Variants in CYP19A1 observed in about 807,000 individuals in gnomAD.
CYP19A1 encodes the protein cytochrome P450 family 19 subfamily A member 1.
In CYP19A1, 32 loss-of-function variants were observed where a neutral mutation model predicts 44.4. That is an observed-to-expected ratio of 0.72 (90% confidence interval 0.54 to 0.97). The LOEUF (loss-of-function observed/expected upper bound fraction) is 0.97, where lower values mean the gene tolerates loss of function less well. CYP19A1 is among the 50% of genes least tolerant of loss of function. The probability of loss-of-function intolerance (pLI) is 0.00; values close to 1 mark genes in which losing one functional copy is unlikely to be tolerated. For missense variants in CYP19A1, 598 were observed against 637.8 expected (o/e 0.94, Z 0.67); for synonymous variants, 212 against 215.6 (o/e 0.98, Z 0.14).
At chr15:51,281,083 C>T (rs2035502928) in intron 1 of CYP19A1, among the ~76,000 whole-genome samples, 1 of 152,232 alleles carries the variant, frequency 6.6e-6, no homozygotes, top group Admixed American at 6.5e-5. Flanking sequence ...TTGCCTACTG[C>T]CCAGCTGCTG....
At chr15:51,327,595 G>C (rs1337192943) in intron 1 of CYP19A1, among the ~76,000 whole-genome samples, 1 of 151,786 alleles carries the variant, frequency 6.6e-6, no homozygotes, top group Non-Finnish European at 1.5e-5. Flanking sequence ...GATTCTCAAG[G>C]ATCCAGTGTC....
At chr15:51,279,626 T>C (rs2035445561) in intron 1 of CYP19A1, among the ~76,000 whole-genome samples, 1 of 152,256 alleles carries the variant, frequency 6.6e-6, no homozygotes, top group Non-Finnish European at 1.5e-5. Context: ...CATGCACCGA[T>C]GACATATACA....
intron 4 of CYP19A1, among the ~76,000 whole-genome samples, chr15:51,227,529 G>T (rs1434212906): frequency 6.6e-6 from 1 of 151,882 alleles, no homozygotes; most frequent in Non-Finnish European, 1.5e-5. Context: ...AATTAGCCAG[G>T]CATGGTGGTG....
At chr15:51,275,237 C>T (rs370991324) in intron 1 of CYP19A1, among the ~76,000 whole-genome samples, 5 of 152,234 alleles carry the variant, frequency 3.3e-5, no homozygotes, top group East Asian at 1.9e-4. Context: ...GTGGCCACCA[C>T]GGCCACAGCC....
At chr15:51,329,941 G>A (rs917098400) in intron 1 of CYP19A1, among the ~76,000 whole-genome samples, 7 of 152,130 alleles carry the variant, frequency 4.6e-5, no homozygotes, top group Non-Finnish European at 7.3e-5. Context: ...GCACACAGTC[G>A]GAGCAGCTAG....
chr15:51,303,920 A>G (rs1388734240), intron 1 of CYP19A1, among the ~76,000 whole-genome samples: 1 of 152,188 alleles, frequency 6.6e-6, no homozygotes, highest in Non-Finnish European at 1.5e-5. Flanking sequence ...AGCAAGTATA[A>G]AGGAAGAGGC....
intron 6 of CYP19A1, among the ~76,000 whole-genome samples, chr15:51,216,796 G>T (rs578167647): frequency 5.8e-4 from 89 of 152,176 alleles, no homozygotes; most frequent in Non-Finnish European, 9.6e-4. Flanking sequence ...CCTAGTTCAG[G>T]TTGTTCTCTT....
intron 1 of CYP19A1, among the ~76,000 whole-genome samples, chr15:51,289,699 T>C (rs1169306833): frequency 6.6e-6 from 1 of 152,204 alleles, no homozygotes; most frequent in Non-Finnish European, 1.5e-5. Flanking sequence ...CTTGTTAATC[T>C]TCTCTACAGC....
At chr15:51,285,267 G>A (rs961593935) in intron 1 of CYP19A1, among the ~76,000 whole-genome samples, 2 of 151,592 alleles carry the variant, frequency 1.3e-5, no homozygotes, top group African/African-American at 2.4e-5. Context: ...GGGTCCTCTT[G>A]TAAAAGGGAA....
chr15:51,244,743 C>T lies in CYP19A1; in HGVS notation c.-38-1793G>A, dbSNP rs147170744. On this transcript the variant is annotated intron_variant, in intron 1 of 9. Coordinates refer to ENST00000396402, the MANE Select transcript of CYP19A1 (RefSeq NM_000103.4). ...ATGAAGATGTCCCACAGGAAGTGAT[C>T]CCAGCAAAAAACTTCACATTATAGG... Among the ~76,000 whole-genome samples, 1,076 of 152,182 alleles carry T rather than the reference C, an allele frequency of 7.1e-3. 8 individuals are homozygous for T. Among genetic ancestry groups the T allele is most frequent in the Non-Finnish European group, 0.01 (691 of 67,998 alleles).
At position 51,242,934 on chromosome 15, in the gene CYP19A1, G is replaced by A. The variant is rs1364129498; in HGVS notation, c.-22C>T. The A allele has an allele frequency of 6.3e-7, 1 of 1,585,346 alleles. No homozygotes were observed. The highest frequency in any genetic ancestry group is 8.7e-7 in the Non-Finnish European group (1 of 1,153,794). ...CCATCTTGTGTTCCTTGACCTCAGA[G>A]GGGGCAATTTAGAGTCCTGTGGAAA... On this transcript the variant is annotated 5_prime_UTR_variant, in exon 2 of 10. Coordinates refer to ENST00000396402, the MANE Select transcript of CYP19A1 (RefSeq NM_000103.4).
intron 9 of CYP19A1, among the ~76,000 whole-genome samples, chr15:51,211,844 G>T (rs577215789): frequency 6.6e-6 from 1 of 152,186 alleles, no homozygotes; most frequent in East Asian, 1.9e-4. Context: ...TATTTAGAAT[G>T]GGACCTACTG....
chr15:51,275,602 G>A (rs867499104), intron 1 of CYP19A1, among the ~76,000 whole-genome samples: 1 of 152,312 alleles, frequency 6.6e-6, no homozygotes, highest in African/African-American at 2.4e-5. Context: ...CTTCTGGACA[G>A]TTGCTGTAAA....
intron 1 of CYP19A1, among the ~76,000 whole-genome samples, chr15:51,282,119 G>A (rs1036021631): frequency 3.9e-5 from 6 of 152,278 alleles, no homozygotes; most frequent in East Asian, 3.9e-4. Flanking sequence ...AGAGAGGCTG[G>A]AGTAAAGGAG....
chr15:51,291,642 C>T (rs1427075705), intron 1 of CYP19A1, among the ~76,000 whole-genome samples: 2 of 152,174 alleles, frequency 1.3e-5, no homozygotes, highest in Non-Finnish European at 2.9e-5. Context: ...CAGCCTTGAA[C>T]ATGTTGAAAT....
intron 6 of CYP19A1, among the ~76,000 whole-genome samples, chr15:51,216,199 G>T (rs562176723): frequency 1.3e-5 from 2 of 152,214 alleles, no homozygotes; most frequent in East Asian, 3.9e-4. Context: ...GTGCTCTTCA[G>T]TTTGCCACAG....
intron 9 of CYP19A1, chr15:51,211,756 G>A (rs1279714642): frequency 1.5e-5 from 6 of 395,032 alleles, no homozygotes; most frequent in Non-Finnish European, 2.0e-5. Context: ...CCTAAAATTT[G>A]ACATAATGAA....
In CYP19A1 at chr15:51,212,413, C is replaced by A; in HGVS notation, c.1170G>T (p.Lys390Asn). ...CAATATTCAGGATAATGTTTGTCCC[C>A]TTTTTCACTGGGTAGCCATCGATTA... ...DDVIDGYPVK[K>N]GTNIILNIGR... Residue 390 changes from lysine (K) to asparagine (N), a missense_variant, in exon 9 of 10, where the codon AAG becomes AAT. By Grantham distance (94) the Lys-to-Asn change is moderately conservative. Transcript: ENST00000396402. 1 of 1,604,802 alleles carries A rather than the reference C, an allele frequency of 6.2e-7. No homozygotes were observed. Among genetic ancestry groups the A allele is most frequent in the East Asian group, 2.2e-5 (1 of 44,846 alleles).
Position 51,223,593 on chromosome 15 carries a change from T to TCTCTCTCTCACA in CYP19A1, c.452-1069_452-1068insTGTGAGAGAGAG, listed in dbSNP as rs1356666512. 3.1e-3 allele frequency among the ~76,000 whole-genome samples: 282 copies of TCTCTCTCTCACA among 90,196 alleles called. 2 individuals carry two copies. The highest frequency in any genetic ancestry group is 0.01 in the African/African-American group (250 of 24,058). The allele number at this position is 90,196 out of a possible 152,430, so 59.2% of individuals were successfully genotyped here. A position where few individuals can be genotyped will look rare whatever the true frequency, so the allele number is the denominator to read the frequency against. ...CTTGCTCTCTCTCTCTCTCTCTCTC[T>TCTCTCTCTCACA]CACACACACACACACACACACACAC... On this transcript the variant is annotated intron_variant, in intron 4 of 9. Transcript: ENST00000396402.
Sources: allele counts gnomAD v4.1 joint callset (sites outside exome capture counted in the v4.1 genomes callset), GRCh38; gene constraint gnomAD v4.1.1; transcripts MANE v1.5; gene names NCBI Gene and HGNC (gene_info 2026-07-23, HGNC 2026-07-21).